FBLN2: variants seen among roughly 807,000 people sequenced by gnomAD.
The protein encoded by FBLN2 is fibulin 2.
FBLN2 carries 81 observed loss-of-function variants against 123.7 expected under a neutral mutation model. The ratio of observed to expected loss-of-function variants is 0.65; its 90% CI spans 0.55 to 0.79. FBLN2 has a LOEUF of 0.79. Among genes scored for constraint, FBLN2 ranks in the 30% least tolerant of loss-of-function variants. The pLI, the probability that FBLN2 is intolerant of heterozygous loss-of-function variation, is 0.00. For synonymous variants in FBLN2, 699 were observed against 701.4 expected (o/e 1.00, Z 0.05); for missense variants, 1,603 against 1,681.3 (o/e 0.95, Z 0.81).
At chr3:13,553,570 C>A (rs1034702612) in intron 1 of FBLN2, among the ~76,000 whole-genome samples, 2 of 152,230 alleles carry the variant, frequency 1.3e-5, no homozygotes, top group African/African-American at 2.4e-5. Flanking sequence ...TCAAGCCGTG[C>A]GTCATTTTGT....
chr3:13,568,139 G>A (rs1703804286), intron 1 of FBLN2, among the ~76,000 whole-genome samples: 1 of 152,104 alleles, frequency 6.6e-6, no homozygotes, highest in African/African-American at 2.4e-5. Flanking sequence ...GTGAGGGCAG[G>A]GGCGTCAGCC....
chr3:13,552,224 G>T (rs1357619283), intron 1 of FBLN2, among the ~76,000 whole-genome samples: 1 of 52,388 alleles, frequency 1.9e-5, no homozygotes, highest in East Asian at 0.071. Flanking sequence ...GAGGGCAGCT[G>T]TGGGGATCCA....
chr3:13,595,751 C>T (rs551424089), intron 2 of FBLN2, among the ~76,000 whole-genome samples: 23 of 152,326 alleles, frequency 1.5e-4, no homozygotes, highest in South Asian at 1.5e-3. Flanking sequence ...CTGGCTAGAG[C>T]GGTCATGACC....
chr3:13,563,380 A>C (rs1253840963), intron 1 of FBLN2, among the ~76,000 whole-genome samples: 1 of 152,144 alleles, frequency 6.6e-6, no homozygotes, highest in Non-Finnish European at 1.5e-5. Context: ...GGCAGGTGTC[A>C]CTTCCCCGTG....
intron 4 of FBLN2, 47 bp downstream of exon 4, chr3:13,609,689 C>CCCA: frequency 2.3e-6 from 1 of 428,812 alleles, no homozygotes; most frequent in Non-Finnish European, 4.6e-6. Flanking sequence ...TGGGGCGGGG[C>CCCA]GGGAGGCTGG....
chr3:13,583,351 C>T (rs1285731172), intron 2 of FBLN2, among the ~76,000 whole-genome samples: 3 of 152,254 alleles, frequency 2.0e-5, no homozygotes, highest in Non-Finnish European at 4.4e-5. Context: ...GACTGAGGCC[C>T]AGGCAGGTTA....
intron 1 of FBLN2, among the ~76,000 whole-genome samples, chr3:13,554,221 T>C (rs1409576229): frequency 6.6e-6 from 1 of 152,226 alleles, no homozygotes; most frequent in Non-Finnish European, 1.5e-5. Flanking sequence ...TGAGTGTGGC[T>C]GAGTGCAGCC....
chr3:13,609,423 G>T lies in FBLN2; in HGVS notation c.1419-90G>T, dbSNP rs113677050. 41 of 1,414,198 alleles carry T rather than the reference G, an allele frequency of 2.9e-5. 1 individual carries two copies. In the African/African-American group the frequency reaches 4.1e-4, roughly 14 times the overall value. The allele number at this position is 1,414,198 out of a possible 1,614,324, so 87.6% of individuals were successfully genotyped here. ...CCGGCTCCCTTGCTGTGGACCTTGG[G>T]CAGAGCTTCCCTCCTCTGAGCCTCA... On this transcript the variant is annotated intron_variant, in intron 3 of 17. Coordinates refer to ENST00000404922, the MANE Select transcript of FBLN2 (RefSeq NM_001004019.2).
At chr3:13,559,255 A>AGAG (rs1553616082) in intron 1 of FBLN2, among the ~76,000 whole-genome samples, 4 of 151,830 alleles carry the variant, frequency 2.6e-5, no homozygotes, top group African/African-American at 7.3e-5. Context: ...GTTAATCAAA[A>AGAG]GGGGTTCATG....
intron 1 of FBLN2, among the ~76,000 whole-genome samples, chr3:13,560,122 C>T (rs556413740): frequency 3.3e-5 from 5 of 152,300 alleles, no homozygotes; most frequent in African/African-American, 9.6e-5. Context: ...TTAAAAGTCA[C>T]GGACATTAAT....
intron 16 of FBLN2, among the ~76,000 whole-genome samples, chr3:13,634,196 C>T (rs1706371045): frequency 6.6e-6 from 1 of 152,218 alleles, no homozygotes; most frequent in Non-Finnish European, 1.5e-5. Context: ...CCTGTTTCGT[C>T]CTTTTTGCTC....
intron 7 of FBLN2, 75 bp from the exon 8 acceptor site, chr3:13,619,655 C>T: frequency 1.6e-6 from 2 of 1,257,446 alleles, no homozygotes; most frequent in Non-Finnish European, 2.3e-6. Context: ...AGGTTAGAGC[C>T]AGGGATGGGG....
chr3:13,575,831 G>A (rs1326074787), intron 2 of FBLN2, among the ~76,000 whole-genome samples: 1 of 152,060 alleles, frequency 6.6e-6, no homozygotes, highest in South Asian at 2.1e-4. Flanking sequence ...TGCATGTTCC[G>A]CTCCTCCCCC....
intron 1 of FBLN2, among the ~76,000 whole-genome samples, chr3:13,557,332 A>G (rs938812298): frequency 4.6e-5 from 7 of 152,264 alleles, no homozygotes; most frequent in Admixed American, 3.3e-4. Flanking sequence ...GTCAGCCATG[A>G]ATACAAGAAG....
intron 1 of FBLN2, among the ~76,000 whole-genome samples, chr3:13,562,054 C>A (rs939210126): frequency 6.6e-6 from 1 of 152,222 alleles, no homozygotes; most frequent in African/African-American, 2.4e-5. Flanking sequence ...TGATTAACAG[C>A]TAAAATCCCT....
In FBLN2 at chr3:13,571,563, G is replaced by A. The variant is rs1175308472; in HGVS notation, c.1208G>A (p.Arg403Gln). The change falls in exon 2 of 18, where the codon CGA becomes CAA. Residue 403 changes from arginine to glutamine, a missense_variant. Coordinates refer to ENST00000404922, the MANE Select transcript of FBLN2 (RefSeq NM_001004019.2). The part of the protein sequence containing the change: ...LPDAAWIPPT[R>Q]EVPRKPQVLP... ...GATGCAGCCTGGATCCCACCCACCC[G>A]AGAAGTGCCCAGGAAGCCGCAAGTT... The A allele has an allele frequency of 3.2e-5, 51 of 1,613,370 alleles. No homozygotes were observed. The highest frequency in any genetic ancestry group is 6.7e-5 in the African/African-American group (5 of 74,926).
chr3:13,562,356 CTT>C (rs377434279), intron 1 of FBLN2, among the ~76,000 whole-genome samples: 35 of 135,136 alleles, frequency 2.6e-4, no homozygotes, highest in African/African-American at 5.1e-4. Flanking sequence ...ATGAAGTTTA[CTT>C]TTTTTTTTTT....
chr3:13,617,317 C>T (rs1705653176), intron 5 of FBLN2, among the ~76,000 whole-genome samples: 1 of 151,570 alleles, frequency 6.6e-6, no homozygotes, highest in Admixed American at 6.6e-5. Flanking sequence ...CAGCCCCACA[C>T]CCATTCATCC....
chr3:13,571,095 G>A lies in FBLN2; in HGVS notation c.740G>A (p.Trp247Ter). Reference protein sequence around the residue: ...QPLSTIQAPPWPAVLPRPTAA... With the variant: ...QPLSTIQAPP ...CTGTCCACCATCCAGGCACCCCCCT[G>A]GCCAGCTGTCCTCCCCAGGCCCACA... Residue 247 changes from tryptophan to a stop codon, truncating the protein, a stop_gained, in exon 2 of 18, where the codon TGG (tryptophan) becomes TAG (stop). Transcript: ENST00000404922. LOFTEE classifies it high-confidence loss of function. The A allele has an allele frequency of 6.4e-7, 1 of 1,553,098 alleles. No homozygotes were observed. Among genetic ancestry groups the A allele is most frequent in the Non-Finnish European group, 8.7e-7 (1 of 1,148,530 alleles).
Sources: gnomAD v4.1 joint callset for allele counts (sites outside exome capture counted in the v4.1 genomes callset) on GRCh38, gnomAD v4.1.1 for gene constraint, MANE v1.5 for transcripts, NCBI Gene and HGNC (gene_info 2026-07-23, HGNC 2026-07-21) for gene names.